The following KIF5C variants were observed in gnomAD, a reference collection of about 807,000 sequenced individuals.
KIF5C encodes kinesin heavy chain isoform 5C.
Under a neutral mutation model 125.2 loss-of-function variants are expected in KIF5C, and 18 were observed. The ratio of observed to expected loss-of-function variants is 0.14; its 90% confidence interval spans 0.10 to 0.21. The LOEUF is 0.21. Ranked by LOEUF, KIF5C falls within the 10% of genes least tolerant of loss-of-function variation. The pLI is 1.00. For missense variants in KIF5C, 780 were observed against 1,183.8 expected, an observed-to-expected ratio of 0.66 and a Z score of 5.01; for synonymous variants, 405 against 434.0, an observed-to-expected ratio of 0.93 and a Z score of 0.83.
At chr2:148,981,626 T>A (rs1558930864) in intron 14 of KIF5C, 65 bp downstream of exon 14, 1 of 1,495,210 alleles carries the variant, frequency 6.7e-7, no homozygotes, top group African/African-American at 1.4e-5. Context: ...CATATTGATA[T>A]TCATTGACAG....
chr2:148,917,249 A>G (rs892650044), intron 1 of KIF5C, among the ~76,000 whole-genome samples: 10 of 152,278 alleles, frequency 6.6e-5, no homozygotes, highest in Non-Finnish European at 1.2e-4. Context: ...TGACTGCCAC[A>G]GGCTACAGTA....
At chr2:148,938,133 T>C (rs138188708) in intron 4 of KIF5C, among the ~76,000 whole-genome samples, 1 of 152,304 alleles carries the variant, frequency 6.6e-6, no homozygotes, top group African/African-American at 2.4e-5. Flanking sequence ...TTGGAACACC[T>C]CTTTTGCAAG....
chr2:148,875,906 G>A (rs1681170167), intron 1 of KIF5C, among the ~76,000 whole-genome samples, 163 bp downstream of exon 1: 1 of 151,308 alleles, frequency 6.6e-6, no homozygotes, highest in Admixed American at 6.6e-5. Context: ...GCGCACTATG[G>A]TTCCCTCCCG....
chr2:148,931,436 C>T (rs968699229), intron 3 of KIF5C, among the ~76,000 whole-genome samples: 1 of 152,042 alleles, frequency 6.6e-6, no homozygotes, highest in Non-Finnish European at 1.5e-5. Context: ...CACCTGTAAT[C>T]CCAGCACATA....
rs150703523 is a variant in KIF5C, at chr2:149,023,570, C to T, written c.*500C>T. ...AAAGTTTTCCTTCTGAACACTTTTC[C>T]GAAACAAATTACCCCAAAGACACAT... On this transcript the variant is annotated 3_prime_UTR_variant, in exon 26 of 26. Transcript: ENST00000435030. 7.2e-5 allele frequency: 11 copies of T among 152,686 alleles called. No individual in the cohort carries two copies. Among genetic ancestry groups the T allele is most frequent in the South Asian group, 6.2e-4 (3 of 4,812 alleles). The allele number at this position is 152,686 out of a possible 1,614,324, so 9.5% of individuals were successfully genotyped here.
intron 1 of KIF5C, among the ~76,000 whole-genome samples, chr2:148,913,629 G>A (rs976805732): frequency 2.0e-5 from 3 of 152,192 alleles, no homozygotes; most frequent in African/African-American, 7.2e-5. Context: ...AACTTTACAT[G>A]TGTCACCACG....
At position 149,023,139 on chromosome 2, in the gene KIF5C, C is replaced by A. The variant is rs373385807; in HGVS notation, c.*69C>A. On this transcript the variant is annotated 3_prime_UTR_variant, in exon 26 of 26. Transcript: ENST00000435030. Reference sequence around the variant, plus strand: ...TCACCAATTCCTTTATTTTTCCCCCCCTACAGTTTCCATTTTTTTTTTATA... The same window carrying A: ...TCACCAATTCCTTTATTTTTCCCCCACTACAGTTTCCATTTTTTTTTTATA... The A allele has an allele frequency of 6.6e-6, 1 of 152,190 alleles. No homozygotes were observed. The highest frequency in any genetic ancestry group is 1.5e-5 in the Non-Finnish European group (1 of 68,048). 9.4% of individuals were successfully genotyped at this position (152,190 alleles called of 1,614,324 possible).
rs552429348 is a variant in KIF5C, at chr2:148,918,673, G to A, written c.127-3464G>A. 5.9e-5 allele frequency among the ~76,000 whole-genome samples: 9 copies of A among 152,310 alleles called. No homozygotes were observed. In the East Asian group the frequency reaches 9.6e-4, roughly 16 times the overall value. On this transcript the variant is annotated intron_variant, in intron 1 of 25. Coordinates refer to ENST00000435030, the MANE Select transcript of KIF5C (RefSeq NM_004522.3). ...ATAAGCATCATACAGAGAAAAGTCC[G>A]TGGGGCCACACTGTAGTGAGATGGA...
intron 21 of KIF5C, among the ~76,000 whole-genome samples, chr2:149,002,985 C>T (rs914470211): frequency 2.0e-5 from 3 of 152,306 alleles, no homozygotes; most frequent in Admixed American, 6.5e-5. Context: ...CGGTTCCATG[C>T]GCACCCTCCC....
chr2:148,891,443 T>TCTAGGC (rs2105046545), intron 1 of KIF5C, among the ~76,000 whole-genome samples: 1 of 152,138 alleles, frequency 6.6e-6, no homozygotes, highest in East Asian at 1.9e-4. Flanking sequence ...CAGACACAAA[T>TCTAGGC]CTAGGCATTA....
intron 11 of KIF5C, among the ~76,000 whole-genome samples, chr2:148,971,791 T>G (rs189797752): frequency 6.6e-6 from 1 of 152,324 alleles, no homozygotes; most frequent in East Asian, 1.9e-4. Context: ...AATGGAGTCA[T>G]AAGCAGCAGA....
Position 149,010,350 on chromosome 2 carries a change from C to A in KIF5C, c.2766C>A (p.Ile922=), listed in dbSNP as rs200547595. ...CCAGAAGGGCCCATTCAGCCCAGAT[C>A]GGTACGTGCGTGCACAGTGGCGCCC... ...NMARRAHSAQ[I]AKPIRPGHYP... Residue 922 remains isoleucine, a splice_region_variant and synonymous_variant, in exon 24 of 26, where the codon ATC becomes ATA. Coordinates refer to ENST00000435030, the MANE Select transcript of KIF5C (RefSeq NM_004522.3). 10 of 1,572,896 alleles carry A rather than the reference C, an allele frequency of 6.4e-6. No individual in the cohort carries two copies. The South Asian group carries it at 9.4e-5, about 15-fold the overall frequency.
At chr2:148,934,085 A>G (rs1301874533) in intron 3 of KIF5C, among the ~76,000 whole-genome samples, 2 of 143,062 alleles carry the variant, frequency 1.4e-5, no homozygotes, top group African/African-American at 5.8e-5. Flanking sequence ...ACACACAGAC[A>G]TATATATCAC....
chr2:148,886,834 T>A (rs1346252624), intron 1 of KIF5C, among the ~76,000 whole-genome samples: 1 of 152,222 alleles, frequency 6.6e-6, no homozygotes, highest in African/African-American at 2.4e-5. Context: ...CTAGGATATA[T>A]CCTAGAGTAA....
intron 10 of KIF5C, among the ~76,000 whole-genome samples, chr2:148,957,326 A>ATT (rs145302047): frequency 2.0e-5 from 3 of 151,606 alleles, no homozygotes; most frequent in African/African-American, 7.3e-5. Flanking sequence ...GAGGAAACTG[A>ATT]TTTTTTTTTC....
chr2:148,909,697 C>T (rs1044996096), intron 1 of KIF5C, among the ~76,000 whole-genome samples: 1 of 152,154 alleles, frequency 6.6e-6, no homozygotes, highest in African/African-American at 2.4e-5. Flanking sequence ...AAAGAGAGCT[C>T]TCAGCACTAT....
chr2:148,915,565 G>T (rs1213973692), intron 1 of KIF5C, among the ~76,000 whole-genome samples: 1 of 152,200 alleles, frequency 6.6e-6, no homozygotes, highest in Non-Finnish European at 1.5e-5. Flanking sequence ...CACTCAATTT[G>T]TTGGCTGAGC....
intron 12 of KIF5C, among the ~76,000 whole-genome samples, chr2:148,974,635 T>C (rs949250502): frequency 1.3e-5 from 2 of 152,258 alleles, no homozygotes; most frequent in Non-Finnish European, 2.9e-5. Flanking sequence ...TTTCTATCTA[T>C]GTATTTTATG....
intron 11 of KIF5C, among the ~76,000 whole-genome samples, chr2:148,964,764 G>A (rs1182719334): frequency 2.6e-5 from 4 of 152,180 alleles, no homozygotes; most frequent in Admixed American, 2.6e-4. Flanking sequence ...GGGAGCACTG[G>A]CCTGAGATGG....
Sources: gnomAD v4.1 joint callset for allele counts (sites outside exome capture counted in the v4.1 genomes callset) on GRCh38, gnomAD v4.1.1 for gene constraint, MANE v1.5 for transcripts, NCBI Gene and HGNC (gene_info 2026-07-23, HGNC 2026-07-21) for gene names.